Variants in PTCH1 observed in about 807,000 individuals in gnomAD.
The protein encoded by PTCH1 is protein patched homolog 1.
In PTCH1, 14 loss-of-function variants were observed where a neutral mutation model predicts 144.6. The ratio of observed to expected loss-of-function variants is 0.10; its 90% CI spans 0.06 to 0.15. PTCH1 has a LOEUF of 0.15. Ranked by LOEUF, PTCH1 falls within the 10% of genes least tolerant of loss-of-function variation. The probability of loss-of-function intolerance (pLI) is 1.00; values close to 1 mark genes in which losing one functional copy is unlikely to be tolerated. For missense variants in PTCH1, 1,623 were observed against 1,948.3 expected, an observed-to-expected ratio of 0.83 and a Z score of 3.14; for synonymous variants, 833 against 793.6, an observed-to-expected ratio of 1.05 and a Z score of -0.83.
intron 13 of PTCH1, 90 bp from the exon 14 acceptor site, chr9:95,469,243 C>T: frequency 6.5e-7 from 1 of 1,529,364 alleles, no homozygotes; most frequent in Non-Finnish European, 9.0e-7. Flanking sequence ...ACGGAGAATA[C>T]CCATTTTACA....
chr9:95,464,737 A>C (rs747367669), intron 15 of PTCH1, among the ~76,000 whole-genome samples: 13 of 152,224 alleles, frequency 8.5e-5, no homozygotes, highest in Non-Finnish European at 2.9e-5. Flanking sequence ...ATAAAGACCA[A>C]TGAGATGACA....
rs1378397034 is a variant in PTCH1, at chr9:95,444,675, G to A, written c.*1718C>T. On this transcript the variant is annotated 3_prime_UTR_variant, in exon 24 of 24. Transcript: ENST00000331920. Reference sequence around the variant, plus strand: ...GGTAATTTAAAAGGGAGTAACAGGAGCTGCCACTCGTGAGCGCCTCACAGT... The same window carrying A: ...GGTAATTTAAAAGGGAGTAACAGGAACTGCCACTCGTGAGCGCCTCACAGT... 1 of 152,268 alleles carries A rather than the reference G, an allele frequency of 6.6e-6. No homozygotes were observed. The highest frequency in any genetic ancestry group is 1.9e-4 in the East Asian group (1 of 5,202). The allele number at this position is 152,268 out of a possible 1,614,324, so 9.4% of individuals were successfully genotyped here.
At chr9:95,448,484 C>T (rs1838156478) in intron 22 of PTCH1, among the ~76,000 whole-genome samples, 2 of 152,244 alleles carry the variant, frequency 1.3e-5, no homozygotes, top group South Asian at 4.2e-4. Context: ...CTGGTGACCT[C>T]CTGAATCACT....
chr9:95,487,539 A>T (rs973245589), intron 2 of PTCH1, among the ~76,000 whole-genome samples: 2 of 152,240 alleles, frequency 1.3e-5, no homozygotes, highest in African/African-American at 4.8e-5. Flanking sequence ...AACACCACGC[A>T]GACTTCCAAC....
intron 12 of PTCH1, chr9:95,474,137 G>A (rs536839534): frequency 3.9e-5 from 19 of 485,186 alleles, no homozygotes; most frequent in Non-Finnish European, 2.1e-5. Flanking sequence ...TGAGCCATCA[G>A]TATGTACTAA....
At chr9:95,479,402 G>A (rs749315664) in intron 7 of PTCH1, among the ~76,000 whole-genome samples, 1 of 152,178 alleles carries the variant, frequency 6.6e-6, no homozygotes, top group East Asian at 1.9e-4. Context: ...TCCTTTCACA[G>A]TTTCCATTCC....
At chr9:95,506,272 A>G in intron 2 of PTCH1, 135 bp downstream of exon 2, 1 of 1,087,856 alleles carries the variant, frequency 9.2e-7, no homozygotes, top group Non-Finnish European at 1.3e-6. Context: ...CGCCCAAACA[A>G]TAAACAATCC....
chr9:95,444,509 G>GCACACGCA lies in PTCH1; in HGVS notation c.*1883_*1884insTGCGTGTG. On this transcript the variant is annotated 3_prime_UTR_variant, in exon 24 of 24. Transcript: ENST00000331920. Reference sequence around the variant, plus strand: ...CAGAGACACACACACACGCACGCACGCACACACACACACACACACCCAGCA... The same window carrying GCACACGCA: ...CAGAGACACACACACACGCACGCACGCACACGCACACACACACACACACACACCCAGCA... The GCACACGCA allele has an allele frequency of 6.7e-6, 1 of 149,078 alleles. No individual in the cohort carries two copies. The highest frequency in any genetic ancestry group is 2.1e-4 in the South Asian group (1 of 4,834). The allele number at this position is 149,078 out of a possible 1,614,324, so 9.2% of individuals were successfully genotyped here. A position where few individuals can be genotyped will look rare whatever the true frequency, so the allele number is the denominator to read the frequency against.
chr9:95,478,913 C>T (rs531435368), intron 8 of PTCH1, 87 bp downstream of exon 8: 52 of 1,587,398 alleles, frequency 3.3e-5, no homozygotes, highest in Non-Finnish European at 4.3e-5. Flanking sequence ...GAAAATAAAG[C>T]GAATGGAAAG....
At chr9:95,453,911 T>A (rs1035829034) in intron 19 of PTCH1, among the ~76,000 whole-genome samples, 1 of 152,070 alleles carries the variant, frequency 6.6e-6, no homozygotes, top group African/African-American at 2.4e-5. Context: ...CACCCCGAAG[T>A]TTCCCCCCTC....
intron 2 of PTCH1, among the ~76,000 whole-genome samples, chr9:95,501,353 A>G (rs978470363): frequency 2.6e-5 from 4 of 152,074 alleles, no homozygotes; most frequent in African/African-American, 7.2e-5. Flanking sequence ...TCCAGCCCCA[A>G]TGTCAATAGT....
At position 95,480,417 on chromosome 9, in the gene PTCH1, G is replaced by A. The variant is rs1005939298; in HGVS notation, c.918C>T (p.Ala306=). ...TGGTTGAATTTTTGTTGGGGGCTGTGGCGGGGCAGTCTGGATCGGCCGGAT... is the reference window on the plus strand; with the variant it reads ...TGGTTGAATTTTTGTTGGGGGCTGTAGCGGGGCAGTCTGGATCGGCCGGAT... ...CLNPADPDCP[A]TAPNKNSTKP... is the part of the protein sequence containing the mutation. Residue 306 remains alanine (A), a synonymous_variant, in exon 6 of 24, where the codon GCC becomes GCT. Coordinates refer to ENST00000331920, the MANE Select transcript of PTCH1 (RefSeq NM_000264.5). 8.7e-6 allele frequency: 14 copies of A among 1,610,964 alleles called. No homozygotes were observed. The highest frequency in any genetic ancestry group is 1.2e-5 in the Non-Finnish European group (14 of 1,179,582).
At chr9:95,446,847 A>T in intron 23 of PTCH1, 64 bp downstream of exon 23, 1 of 1,606,376 alleles carries the variant, frequency 6.2e-7, no homozygotes, top group Non-Finnish European at 8.5e-7. Flanking sequence ...GAACCCCAGG[A>T]GAACCTTGTC....
chr9:95,493,156 T>C (rs28735184), intron 2 of PTCH1, among the ~76,000 whole-genome samples: 5,118 of 152,300 alleles, frequency 0.034, 181 homozygotes, highest in East Asian at 0.13. Flanking sequence ...CCCATACTTC[T>C]AGGCCAATAT....
intron 20 of PTCH1, 194 bp downstream of exon 20, chr9:95,453,284 A>T: frequency 1.4e-6 from 1 of 707,212 alleles, no homozygotes; most frequent in Non-Finnish European, 2.3e-6. Flanking sequence ...GGCACCCACC[A>T]CCACGCCCGG....
chr9:95,505,279 G>A (rs1843482129), intron 2 of PTCH1, among the ~76,000 whole-genome samples: 1 of 152,122 alleles, frequency 6.6e-6, no homozygotes, highest in African/African-American at 2.4e-5. Context: ...ATGCTGTCCG[G>A]AGGAATGCTC....
rs1554690984 is a variant in PTCH1, at chr9:95,456,278, A to C, written c.3304T>G (p.Leu1102Val). The change falls in exon 19 of 24, where the codon TTG becomes GTG. Residue 1102 changes from leucine (L) to valine (V), a missense_variant and splice_region_variant. Coordinates refer to ENST00000331920, the MANE Select transcript of PTCH1 (RefSeq NM_000264.5). ...IGVEFTVHVA[L>V]AFLTAIGDKN... ...TTTGCTTCAAATGTCTCCCATACCA[A>C]AGCAACGTGAACGGTGAACTCCACT... The C allele has an allele frequency of 1.2e-6, 2 of 1,613,738 alleles. No individual in the cohort carries two copies. Among genetic ancestry groups the C allele is most frequent in the Non-Finnish European group, 1.7e-6 (2 of 1,180,024 alleles).
intron 8 of PTCH1, among the ~76,000 whole-genome samples, chr9:95,478,427 G>A (rs549080548): frequency 1.1e-4 from 17 of 152,242 alleles, no homozygotes; most frequent in African/African-American, 3.1e-4. Flanking sequence ...GGCTGGTGTC[G>A]CTGGAGTTCA....
rs1185984575 is a variant in PTCH1, at chr9:95,468,776, G to A, written c.2225C>T (p.Pro742Leu). ...CTTGGCTTTTGGTTTCAAGAGGAAA[G>A]GAGCATAGTGCTTCTCAGCAAAAGA... The part of the protein sequence containing the change: ...LSSFAEKHYA[P>L]FLLKPKAKVV... The change falls in exon 14 of 24, where the codon CCT (proline) becomes CTT (leucine). Residue 742 changes from proline to leucine, a missense_variant. Pro to Leu is a moderately conservative substitution (Grantham distance 98). Coordinates refer to ENST00000331920, the MANE Select transcript of PTCH1 (RefSeq NM_000264.5). The A allele has an allele frequency of 6.2e-7, 1 of 1,614,192 alleles. No homozygotes were observed. Among genetic ancestry groups the A allele is most frequent in the Non-Finnish European group, 8.5e-7 (1 of 1,180,040 alleles).
Sources: gnomAD v4.1 joint callset for allele counts (sites outside exome capture counted in the v4.1 genomes callset) on GRCh38, gnomAD v4.1.1 for gene constraint, MANE v1.5 for transcripts, NCBI Gene and HGNC (gene_info 2026-07-23, HGNC 2026-07-21) for gene names.